Variants in LARP1 observed in about 807,000 individuals in gnomAD.
LARP1 encodes La ribonucleoprotein 1, translational regulator, also known as la-related protein 1.
A neutral mutation model predicts 122.7 loss-of-function variants in LARP1; 36 were observed. The ratio of observed to expected loss-of-function variants is 0.29; its 90% confidence interval spans 0.22 to 0.39. The LOEUF (loss-of-function observed/expected upper bound fraction) is 0.39, where lower values mean the gene tolerates loss of function less well. LARP1 is among the 10% of genes least tolerant of loss of function. The pLI, the probability that LARP1 is intolerant of heterozygous loss-of-function variation, is 1.00. For synonymous variants in LARP1, 539 were observed against 528.7 expected, an observed-to-expected ratio of 1.02 and a Z score of -0.27; for missense variants, 1,040 against 1,403.6, an observed-to-expected ratio of 0.74 and a Z score of 4.14.
chr5:154,780,019 A>C (rs1286702578), intron 1 of LARP1, among the ~76,000 whole-genome samples: 1 of 152,080 alleles, frequency 6.6e-6, no homozygotes, highest in African/African-American at 2.4e-5. Context: ...AGAGAGGCAA[A>C]TTAGCAGCTC....
chr5:154,735,380 AG>A (rs768817489), intron 1 of LARP1, among the ~76,000 whole-genome samples: 4 of 151,492 alleles, frequency 2.6e-5, no homozygotes, highest in African/African-American at 7.3e-5. Context: ...TGAACCTGGG[AG>A]GCGGAGGTTG....
upstream of LARP1, among the ~76,000 whole-genome samples, chr5:154,755,295 G>A (rs1169665421): frequency 7.5e-5 from 11 of 147,358 alleles, no homozygotes; most frequent in Non-Finnish European, 1.5e-4. Context: ...CCCCTCGCCC[G>A]CCGCGTCGTG....
At chr5:154,720,755 C>T (rs567707221) in intron 1 of LARP1, among the ~76,000 whole-genome samples, 1 of 152,078 alleles carries the variant, frequency 6.6e-6, no homozygotes, top group Non-Finnish European at 1.5e-5. Context: ...CTTCCAAGTT[C>T]AGAGATACCC....
rs563319997 is a variant in LARP1 at position 154,793,245 on chromosome 5, G to C, written c.740-350G>C. Among the ~76,000 whole-genome samples the C allele has an allele frequency of 2.6e-5, 4 of 152,200 alleles. No homozygotes were observed. In the South Asian group the frequency reaches 6.2e-4, roughly 24 times the overall value. ...CCTTTTAGGGACTCAACCTGGAGTT[G>C]GTTACTTCAGCTTAGCTCTCGTAGG... On this transcript the variant is annotated intron_variant, in intron 4 of 18. Coordinates refer to ENST00000518297, the MANE Select transcript of LARP1 (RefSeq NM_033551.3).
rs767164478 is a variant in LARP1 at position 154,794,086 on chromosome 5, C to T, written c.1070-14C>T. On this transcript the variant is annotated splice_polypyrimidine_tract_variant and intron_variant, in intron 6 of 18. Transcript: ENST00000518297. ...GGAATCTCCTCTCCCTCATGGCACC[C>T]GTTTCCCCCATAGCCCATTTTGACT... The T allele has an allele frequency of 3.6e-5, 58 of 1,613,748 alleles. No homozygotes were observed. The highest frequency in any genetic ancestry group is 4.0e-5 in the African/African-American group (3 of 74,924).
At chr5:154,730,251 C>T (rs757955326) in intron 1 of LARP1, among the ~76,000 whole-genome samples, 7 of 151,732 alleles carry the variant, frequency 4.6e-5, no homozygotes, top group Non-Finnish European at 8.8e-5. Context: ...TGCAGTGGTG[C>T]GATCTCGGCT....
At chr5:154,720,633 G>C (rs571546637) in intron 1 of LARP1, among the ~76,000 whole-genome samples, 20 of 151,394 alleles carry the variant, frequency 1.3e-4, no homozygotes, top group African/African-American at 4.8e-4. Context: ...AATCACTTGA[G>C]CCCAGGAGCT....
Position 154,755,499 on chromosome 5 carries a change from G to A in LARP1, c.-259G>A, listed in dbSNP as rs1045306591. On this transcript the variant is annotated 5_prime_UTR_variant, in exon 1 of 19. Transcript: ENST00000518297. ...GGGGCGTCTTGCGAGGAACGGGCGGGGGGGGACGCACGCCTAGGAGGCCTG... is the reference window on the plus strand; with the variant it reads ...GGGGCGTCTTGCGAGGAACGGGCGGAGGGGGACGCACGCCTAGGAGGCCTG... The A allele has an allele frequency of 5.2e-6, 5 of 962,272 alleles. No homozygotes were observed. Among genetic ancestry groups the A allele is most frequent in the African/African-American group, 1.8e-5 (1 of 56,766 alleles). The allele number at this position is 962,272 out of a possible 1,614,324, so 59.6% of individuals were successfully genotyped here. A position where few individuals can be genotyped will look rare whatever the true frequency, so the allele number is the denominator to read the frequency against.
chr5:154,765,525 C>T (rs1754869228), intron 1 of LARP1, among the ~76,000 whole-genome samples: 1 of 152,154 alleles, frequency 6.6e-6, no homozygotes, highest in African/African-American at 2.4e-5. Flanking sequence ...AGAGTAGTAG[C>T]TGAGACTACA....
upstream of LARP1, among the ~76,000 whole-genome samples, chr5:154,751,223 G>A (rs558183503): frequency 2.0e-5 from 3 of 152,082 alleles, no homozygotes; most frequent in Non-Finnish European, 4.4e-5. Context: ...AAGGCCTGGC[G>A]ATATAGAACA....
intron 1 of LARP1, among the ~76,000 whole-genome samples, chr5:154,762,497 G>T (rs17116411): frequency 0.19 from 28,187 of 152,098 alleles, 3,673 homozygotes; most frequent in African/African-American, 0.37. Context: ...CCTGAAGGAT[G>T]TTCCCAGAAT....
At chr5:154,801,152 TTCTC>T (rs941225655) in intron 10 of LARP1, among the ~76,000 whole-genome samples, 48 of 152,258 alleles carry the variant, frequency 3.2e-4, no homozygotes, top group Admixed American at 2.0e-3. Flanking sequence ...AGACAAATGC[TTCTC>T]TCTCAGCGTC....
upstream of LARP1, among the ~76,000 whole-genome samples, chr5:154,711,141 CTTTTTTT>C (rs544780959): frequency 7.4e-6 from 1 of 135,312 alleles, no homozygotes; most frequent in Non-Finnish European, 1.6e-5. Flanking sequence ...CAGTGTGGTA[CTTTTTTT>C]TTTTTTTTTT....
In LARP1 at chr5:154,777,990, G is replaced by A. The variant is rs192738369; in HGVS notation, c.437-12335G>A. ...GGTTTAAGAAGTGCAGGATGGGTGC[G>A]GTGACTCACGCCTGTAATCCCAGCA... On this transcript the variant is annotated intron_variant, in intron 1 of 18. Transcript: ENST00000518297. Among the ~76,000 whole-genome samples the A allele has an allele frequency of 1.2e-3, 189 of 152,148 alleles. 2 individuals carry two copies. Among genetic ancestry groups the A allele is most frequent in the Middle Eastern group, 3.4e-3 (1 of 294 alleles).
At chr5:154,806,697 T>C (rs555072641) in intron 15 of LARP1, among the ~76,000 whole-genome samples, 1 of 152,344 alleles carries the variant, frequency 6.6e-6, no homozygotes, top group East Asian at 1.9e-4. Context: ...TCTAGTCACC[T>C]GTAGTTATTA....
intron 1 of LARP1, among the ~76,000 whole-genome samples, chr5:154,735,191 A>T (rs957261079): frequency 6.6e-6 from 1 of 152,210 alleles, no homozygotes; most frequent in African/African-American, 2.4e-5. Context: ...GTGGTGGCTC[A>T]TGCCTGTTAT....
chr5:154,684,192 C>T (rs888271471), intron 1 of LARP1, among the ~76,000 whole-genome samples: 2 of 152,136 alleles, frequency 1.3e-5, no homozygotes, highest in African/African-American at 4.8e-5. Flanking sequence ...CCTGTAATCC[C>T]AGCACTTTGG....
At chr5:154,772,802 C>T (rs564192208) in intron 1 of LARP1, among the ~76,000 whole-genome samples, 21 of 152,238 alleles carry the variant, frequency 1.4e-4, no homozygotes, top group Admixed American at 3.9e-4. Context: ...ATTCTCCTGC[C>T]TCAGCCTCTG....
intron 7 of LARP1, 82 bp downstream of exon 7, chr5:154,794,344 TTC>T: frequency 7.1e-7 from 1 of 1,399,052 alleles, no homozygotes; most frequent in Non-Finnish European, 9.8e-7. Flanking sequence ...GGGCAGGCCC[TTC>T]TGGTGCTTAG....
Sources: gnomAD v4.1 joint callset for allele counts (sites outside exome capture counted in the v4.1 genomes callset) on GRCh38, gnomAD v4.1.1 for gene constraint, MANE v1.5 for transcripts, NCBI Gene and HGNC (gene_info 2026-07-23, HGNC 2026-07-21) for gene names.